TSHZ2: variants seen among roughly 807,000 people sequenced by gnomAD.
TSHZ2 encodes teashirt homolog 2.
Under a neutral mutation model 74.4 loss-of-function variants are expected in TSHZ2, and 21 were observed. The observed-to-expected ratio is 0.28, with a 90% CI of 0.20 to 0.41. TSHZ2 has a LOEUF of 0.41. TSHZ2 is among the 10% of genes least tolerant of loss of function. The pLI is 1.00. For missense variants in TSHZ2, 1,244 were observed against 1,293.5 expected, an observed-to-expected ratio of 0.96 and a Z score of 0.59; for synonymous variants, 540 against 515.3, an observed-to-expected ratio of 1.05 and a Z score of -0.65.
chr20:53,458,668 T>C (rs1332830452), intron 2 of TSHZ2, among the ~76,000 whole-genome samples: 1 of 152,112 alleles, frequency 6.6e-6, no homozygotes, highest in Non-Finnish European at 1.5e-5. Context: ...GTGTCAATTT[T>C]GGATCTTTCC....
At chr20:53,000,260 G>A (rs912247947) in intron 1 of TSHZ2, among the ~76,000 whole-genome samples, 13 of 152,162 alleles carry the variant, frequency 8.5e-5, no homozygotes, top group African/African-American at 2.7e-4. Flanking sequence ...GTTTTCTTAG[G>A]TTATATAAGT....
intron 1 of TSHZ2, among the ~76,000 whole-genome samples, chr20:53,222,992 A>G (rs1347124599): frequency 6.6e-6 from 1 of 152,214 alleles, no homozygotes; most frequent in Non-Finnish European, 1.5e-5. Context: ...AATTAAAATG[A>G]AAGAAAATGA....
chr20:53,067,453 G>T (rs1985027788), intron 1 of TSHZ2, among the ~76,000 whole-genome samples: 1 of 152,192 alleles, frequency 6.6e-6, no homozygotes, highest in Non-Finnish European at 1.5e-5. Context: ...AAATACATGT[G>T]CCCAAATTTG....
intron 1 of TSHZ2, among the ~76,000 whole-genome samples, chr20:53,019,980 CA>C (rs1983179744): frequency 6.6e-6 from 1 of 152,130 alleles, no homozygotes; most frequent in Admixed American, 6.5e-5. Context: ...AAGAAACTTA[CA>C]ATCATGGTGG....
chr20:53,462,410 G>T (rs1035209258), intron 2 of TSHZ2, among the ~76,000 whole-genome samples: 1 of 152,224 alleles, frequency 6.6e-6, no homozygotes, highest in Admixed American at 6.5e-5. Flanking sequence ...GGGCTTCAAT[G>T]TAAGAATTCG....
At chr20:53,336,975 ACT>A (rs1310478199) in intron 2 of TSHZ2, among the ~76,000 whole-genome samples, 1 of 152,204 alleles carries the variant, frequency 6.6e-6, no homozygotes, top group African/African-American at 2.4e-5. Flanking sequence ...GTATACATAC[ACT>A]CATACATTCC....
intron 1 of TSHZ2, among the ~76,000 whole-genome samples, chr20:53,099,651 G>C (rs1986158940): frequency 6.6e-6 from 1 of 152,228 alleles, no homozygotes; most frequent in African/African-American, 2.4e-5. Context: ...CATGGCGGAA[G>C]GCGAAAGGCA....
chr20:53,108,658 C>T (rs1986447776), intron 1 of TSHZ2, among the ~76,000 whole-genome samples: 1 of 152,152 alleles, frequency 6.6e-6, no homozygotes, highest in African/African-American at 2.4e-5. Context: ...TTGAGCACAA[C>T]CCAAAGAGAT....
rs1348262096 is a variant in TSHZ2, at chr20:53,490,993, TTGAC to T, written c.*3861_*3864del. On this transcript the variant is annotated 3_prime_UTR_variant, in exon 3 of 3. Coordinates refer to ENST00000371497, the MANE Select transcript of TSHZ2 (RefSeq NM_173485.6). ...TTCCATCTGTCACTTCTCAGGTTAT[TTGAC>T]TGTGTTCAAACCTTCTTTTCTTTTT... 1 of 152,164 alleles carries T rather than the reference TTGAC, an allele frequency of 6.6e-6. No homozygotes were observed. The highest frequency in any genetic ancestry group is 2.4e-5 in the African/African-American group (1 of 41,454). 9.4% of individuals were successfully genotyped at this position (152,164 alleles called of 1,614,324 possible).
intron 1 of TSHZ2, among the ~76,000 whole-genome samples, chr20:53,095,266 T>A (rs1244173803): frequency 6.6e-6 from 1 of 152,256 alleles, no homozygotes; most frequent in Non-Finnish European, 1.5e-5. Flanking sequence ...TCTAGCAGCC[T>A]CAGCTTTATA....
At chr20:53,066,952 C>T (rs1203727534) in intron 1 of TSHZ2, among the ~76,000 whole-genome samples, 3 of 152,140 alleles carry the variant, frequency 2.0e-5, no homozygotes, top group Non-Finnish European at 2.9e-5. Flanking sequence ...CAGAAAGTCC[C>T]GCTGCAGGAG....
chr20:53,170,392 A>G (rs998689078), intron 1 of TSHZ2, among the ~76,000 whole-genome samples: 4 of 152,244 alleles, frequency 2.6e-5, no homozygotes, highest in Non-Finnish European at 4.4e-5. Flanking sequence ...TTTCCTAGCA[A>G]GCGTATGCCA....
intron 1 of TSHZ2, among the ~76,000 whole-genome samples, chr20:52,999,567 G>T (rs972152818): frequency 3.3e-4 from 50 of 152,182 alleles, no homozygotes; most frequent in Non-Finnish European, 8.8e-5. Flanking sequence ...GCACCAGCTG[G>T]TGTCGTATGT....
At chr20:53,164,591 T>C (rs1378811412) in intron 1 of TSHZ2, among the ~76,000 whole-genome samples, 4 of 152,232 alleles carry the variant, frequency 2.6e-5, no homozygotes, top group Non-Finnish European at 2.9e-5. Flanking sequence ...TGCTGGGCCC[T>C]GTTAGCTAGT....
rs528546383 is a variant in TSHZ2, at chr20:53,090,311, A to G, written c.40+116978A>G. On this transcript the variant is annotated intron_variant, in intron 1 of 2. Transcript: ENST00000371497. ...ACTCCAATGTTAATCTCCTTTGTCA[A>G]CACCCTCACAGACACCCCCAGAAAC... Among the ~76,000 whole-genome samples the G allele has an allele frequency of 3.3e-5, 5 of 152,088 alleles. No individual in the cohort carries two copies. The South Asian group carries it at 1.0e-3, about 32-fold the overall frequency.
At chr20:53,420,155 T>C (rs762225044) in intron 2 of TSHZ2, among the ~76,000 whole-genome samples, 1 of 152,194 alleles carries the variant, frequency 6.6e-6, no homozygotes, top group Non-Finnish European at 1.5e-5. Flanking sequence ...ATAGATAATA[T>C]GTTTAGAACA....
chr20:53,417,231 GACACACACAGACACACACAC>G (rs990436787), intron 2 of TSHZ2, among the ~76,000 whole-genome samples: 2 of 101,290 alleles, frequency 2.0e-5, no homozygotes, highest in African/African-American at 8.4e-5. Flanking sequence ...TACAGACACA[GACACACACAGACACACACAC>G]ACACACACAC....
At chr20:53,175,050 CG>C (rs1193682841) in intron 1 of TSHZ2, among the ~76,000 whole-genome samples, 1 of 150,414 alleles carries the variant, frequency 6.6e-6, no homozygotes, top group African/African-American at 2.4e-5. Context: ...TGAGACGTAA[CG>C]GGGGCAGCAA....
At chr20:53,354,961 C>T (rs1221563583) in intron 2 of TSHZ2, among the ~76,000 whole-genome samples, 7 of 152,094 alleles carry the variant, frequency 4.6e-5, no homozygotes, top group Admixed American at 3.9e-4. Flanking sequence ...CCATTTTTTT[C>T]TTTGATTGGG....
Sources: allele counts gnomAD v4.1 joint callset (sites outside exome capture counted in the v4.1 genomes callset), GRCh38; gene constraint gnomAD v4.1.1; transcripts MANE v1.5; gene names NCBI Gene and HGNC (gene_info 2026-07-23, HGNC 2026-07-21).